Variants in TAS2R1 observed in about 807,000 individuals in gnomAD.
The protein encoded by TAS2R1 is taste 2 receptor member 1, also known as taste receptor type 2 member 1.
For synonymous variants in TAS2R1, 141 were observed against 134.2 expected (o/e 1.05, Z -0.35); for missense variants, 370 against 353.4 (o/e 1.05, Z -0.38).
At chr5:9,747,677 A>G in the TAS2R1 span, among the ~76,000 whole-genome samples, 3 of 152,198 alleles carry the variant, frequency 2.0e-5, no homozygotes, top group African/African-American at 7.2e-5. Flanking sequence ...TCAAATTTCA[A>G]CGTGCAGCAT....
the TAS2R1 span, among the ~76,000 whole-genome samples, chr5:9,747,950 T>A: frequency 2.0e-5 from 3 of 151,774 alleles, no homozygotes; most frequent in African/African-American, 7.3e-5. Flanking sequence ...AGCCCAGGGA[T>A]TAGGGGATGT....
intron 1 of TAS2R1, among the ~76,000 whole-genome samples, chr5:9,685,966 G>A (rs1414489758): frequency 5.9e-5 from 9 of 152,142 alleles, no homozygotes; most frequent in Admixed American, 5.2e-4. Flanking sequence ...CCTGGGTTCA[G>A]GCAATTTTCC....
At chr5:9,640,765 T>C (rs1044964936) in intron 2 of TAS2R1, among the ~76,000 whole-genome samples, 1 of 152,200 alleles carries the variant, frequency 6.6e-6, no homozygotes, top group Admixed American at 6.5e-5. Context: ...CATTCATTAA[T>C]TCACTTGGTG....
intron 2 of TAS2R1, among the ~76,000 whole-genome samples, chr5:9,637,517 C>A (rs1440785912): frequency 2.0e-5 from 3 of 152,148 alleles, no homozygotes; most frequent in African/African-American, 7.2e-5. Flanking sequence ...TTTCCTCAAA[C>A]AATTTTCCAA....
At chr5:9,678,183 C>T (rs1336733204) in intron 1 of TAS2R1, among the ~76,000 whole-genome samples, 1 of 151,888 alleles carries the variant, frequency 6.6e-6, no homozygotes, top group Non-Finnish European at 1.5e-5. Flanking sequence ...ATGAAAAAAA[C>T]CTCAACATCA....
At chr5:9,876,738 A>C in the TAS2R1 span, among the ~76,000 whole-genome samples, 40 of 152,354 alleles carry the variant, frequency 2.6e-4, 1 homozygote, top group African/African-American at 9.4e-4. Flanking sequence ...AAAAATTATG[A>C]ATACGACTTC....
At chr5:9,704,539 C>T (rs1457220441) in intron 1 of TAS2R1, among the ~76,000 whole-genome samples, 1 of 152,002 alleles carries the variant, frequency 6.6e-6, no homozygotes, top group Non-Finnish European at 1.5e-5. Context: ...TGAAGTCATC[C>T]TAAAATTGCA....
the TAS2R1 span, among the ~76,000 whole-genome samples, chr5:9,725,731 G>A: frequency 1.3e-5 from 2 of 152,362 alleles, no homozygotes; most frequent in African/African-American, 4.8e-5. Flanking sequence ...GCACGGGACT[G>A]GCAGGCAGCT....
the TAS2R1 span, among the ~76,000 whole-genome samples, chr5:9,864,879 C>T: frequency 6.6e-6 from 1 of 152,064 alleles, no homozygotes; most frequent in Non-Finnish European, 1.5e-5. Flanking sequence ...GAGACAGAGG[C>T]CACAAACTGC....
the TAS2R1 span, among the ~76,000 whole-genome samples, chr5:9,731,600 T>C: frequency 6.6e-6 from 1 of 152,216 alleles, no homozygotes; most frequent in African/African-American, 2.4e-5. Flanking sequence ...TTCTGAAATA[T>C]TCCTTCAGCA....
upstream of TAS2R1, among the ~76,000 whole-genome samples, chr5:9,631,078 C>T (rs1299388486): frequency 6.6e-6 from 1 of 152,130 alleles, no homozygotes; most frequent in African/African-American, 2.4e-5. Flanking sequence ...AGATACCCTC[C>T]CCAGGCTGTA....
At chr5:9,899,767 T>TAAGCAGGGTCTAGA in the TAS2R1 span, among the ~76,000 whole-genome samples, 1 of 152,176 alleles carries the variant, frequency 6.6e-6, no homozygotes, top group Non-Finnish European at 1.5e-5. Context: ...TCTCCCTGCT[T>TAAGCAGGGTCTAGA]AATGGTCTAG....
chr5:9,682,660 C>T (rs979905232), intron 1 of TAS2R1, among the ~76,000 whole-genome samples: 6 of 152,130 alleles, frequency 3.9e-5, no homozygotes, highest in Non-Finnish European at 5.9e-5. Flanking sequence ...TTTCACAGGG[C>T]AGATCATGCA....
chr5:9,670,657 C>A (rs532221851), intron 1 of TAS2R1, among the ~76,000 whole-genome samples: 1 of 152,056 alleles, frequency 6.6e-6, no homozygotes, highest in Non-Finnish European at 1.5e-5. Flanking sequence ...AAAAAGCCTG[C>A]CAACCAGAAA....
the TAS2R1 span, among the ~76,000 whole-genome samples, chr5:9,758,759 A>T: frequency 4.6e-5 from 7 of 151,996 alleles, no homozygotes; most frequent in African/African-American, 1.7e-4. Context: ...CCAAGAAAAG[A>T]CTCCCCCAGG....
the TAS2R1 span, among the ~76,000 whole-genome samples, chr5:9,852,675 A>C: frequency 6.6e-6 from 1 of 152,210 alleles, no homozygotes; most frequent in East Asian, 1.9e-4. Flanking sequence ...ACTCTGAAGT[A>C]TAAATCCTCT....
chr5:9,746,822 G>T, the TAS2R1 span, among the ~76,000 whole-genome samples: 1 of 152,096 alleles, frequency 6.6e-6, no homozygotes, highest in African/African-American at 2.4e-5. Flanking sequence ...TGTATGTGGG[G>T]CTTAAAACCT....
At chr5:9,855,689 G>A in the TAS2R1 span, among the ~76,000 whole-genome samples, 1 of 152,198 alleles carries the variant, frequency 6.6e-6, no homozygotes, top group African/African-American at 2.4e-5. Flanking sequence ...AGCCATTTGA[G>A]TATAGCATGG....
At chr5:9,645,317 C>A (rs1192771126) in intron 2 of TAS2R1, among the ~76,000 whole-genome samples, 1 of 152,150 alleles carries the variant, frequency 6.6e-6, no homozygotes. Flanking sequence ...AGTCATGCAG[C>A]TAAAAAGCAG....
Sources: allele counts gnomAD v4.1 joint callset (sites outside exome capture counted in the v4.1 genomes callset), GRCh38; gene constraint gnomAD v4.1.1; transcripts MANE v1.5; gene names NCBI Gene and HGNC (gene_info 2026-07-23, HGNC 2026-07-21).